The following RFWD3 variants were observed in gnomAD, a reference collection of about 807,000 sequenced individuals.
RFWD3 encodes E3 ubiquitin-protein ligase RFWD3.
In RFWD3, 65 loss-of-function variants were observed where a neutral mutation model predicts 87.7. That is an observed-to-expected ratio of 0.74 (90% CI 0.61 to 0.91). RFWD3 has a LOEUF of 0.91. RFWD3 is among the 40% of genes least tolerant of loss of function. The pLI, the probability that RFWD3 is intolerant of heterozygous loss-of-function variation, is 0.00. For synonymous variants in RFWD3, 433 were observed against 352.8 expected, an observed-to-expected ratio of 1.23 and a Z score of -2.55; for missense variants, 1,078 against 938.5, an observed-to-expected ratio of 1.15 and a Z score of -1.94.
chr16:74,648,716 G>A (rs1960350326), intron 4 of RFWD3, among the ~76,000 whole-genome samples: 1 of 151,634 alleles, frequency 6.6e-6, no homozygotes, highest in African/African-American at 2.4e-5. Context: ...AGGTTATTGT[G>A]GTGAGCTGAG....
intron 2 of RFWD3, among the ~76,000 whole-genome samples, chr16:74,656,308 C>CAACA (rs1960977843): frequency 1.6e-5 from 1 of 64,220 alleles, no homozygotes; most frequent in Non-Finnish European, 2.7e-5. Context: ...CTTGTCTTGC[C>CAACA]AAAAAAAAAA....
intron 3 of RFWD3, among the ~76,000 whole-genome samples, chr16:74,650,956 G>A (rs1028664784): frequency 3.3e-5 from 5 of 151,154 alleles, no homozygotes; most frequent in Non-Finnish European, 7.4e-5. Flanking sequence ...AGTTTATACA[G>A]GAAGGCAAAA....
rs765904014 is a variant in RFWD3 at position 74,644,746 on chromosome 16, A to C, written c.793-11T>G. The stretch of plus-strand genomic sequence containing the variant: ...CTTCTGGGGAGATGGCTAGATGGAA[A>C]GCAGAATATATTCAAATTAGAGAAA... On this transcript the variant is annotated splice_polypyrimidine_tract_variant and intron_variant, in intron 4 of 12. Transcript: ENST00000361070. The C allele has an allele frequency of 6.3e-7, 1 of 1,596,876 alleles. No individual in the cohort carries two copies. Among genetic ancestry groups the C allele is most frequent in the South Asian group, 1.1e-5 (1 of 90,238 alleles).
At chr16:74,627,104 G>T (rs1958961720) in intron 11 of RFWD3, among the ~76,000 whole-genome samples, 1 of 152,140 alleles carries the variant, frequency 6.6e-6, no homozygotes, top group Admixed American at 6.5e-5. Flanking sequence ...CCGAGCTGTG[G>T]GATGATGAAG....
In RFWD3 at chr16:74,666,804, G is replaced by C. The variant is rs1395499467; in HGVS notation, c.-21C>G. The C allele has an allele frequency of 1.3e-5, 2 of 152,408 alleles. No individual in the cohort carries two copies. Among genetic ancestry groups the C allele is most frequent in the African/African-American group, 4.8e-5 (2 of 41,470 alleles). The allele number at this position is 152,408 out of a possible 1,614,324, so 9.4% of individuals were successfully genotyped here. ...TCCTCACCTGAAACCAGCAGGCCGCGGCCGGGCTCGCGAGCCCGCCGAAGA... is the reference window on the plus strand; with the variant it reads ...TCCTCACCTGAAACCAGCAGGCCGCCGCCGGGCTCGCGAGCCCGCCGAAGA... On this transcript the variant is annotated 5_prime_UTR_variant, in exon 1 of 13. Transcript: ENST00000361070.
At chr16:74,651,299 T>C (rs1258398544) in intron 3 of RFWD3, among the ~76,000 whole-genome samples, 1 of 152,178 alleles carries the variant, frequency 6.6e-6, no homozygotes, top group African/African-American at 2.4e-5. Context: ...GACAGGGTGC[T>C]GAATTTACAA....
Position 74,661,355 on chromosome 16 carries a change from C to G in RFWD3, c.95G>C (p.Gly32Ala), listed in dbSNP as rs533062966. The G allele has an allele frequency of 6.2e-7, 1 of 1,613,894 alleles. No individual in the cohort carries two copies. ...AGGAACAGGCTGGAGGAGGGCTGGT[C>G]CCCCTTGGCTGCTGGCCATGCCAGC... ...APAGMASSQGGPALLQPVPAD... is the reference protein window; with the variant it reads ...APAGMASSQGAPALLQPVPAD... Residue 32 changes from glycine (G) to alanine (A), a missense_variant, in exon 2 of 13, where the codon GGA becomes GCA. Physicochemically the swap from Gly to Ala is moderately conservative, Grantham distance 60. Transcript: ENST00000361070.
At chr16:74,656,426 T>G (rs1439535065) in intron 2 of RFWD3, among the ~76,000 whole-genome samples, 2 of 151,920 alleles carry the variant, frequency 1.3e-5, no homozygotes, top group Admixed American at 6.6e-5. Flanking sequence ...TAGCTGCCAG[T>G]GATTCCTCTA....
At chr16:74,644,516 A>AT in intron 5 of RFWD3, 25 bp downstream of exon 5, 1 of 1,614,164 alleles carries the variant, frequency 6.2e-7, no homozygotes, top group Non-Finnish European at 8.5e-7. Context: ...TAACATGTTA[A>AT]TGTGTCCTTA....
intron 2 of RFWD3, among the ~76,000 whole-genome samples, chr16:74,657,982 A>T (rs917673157): frequency 2.7e-4 from 41 of 152,110 alleles, no homozygotes; most frequent in Non-Finnish European, 4.7e-4. Context: ...ATAGACGATT[A>T]AAAAAAATCA....
chr16:74,644,757 T>C (rs764904256), intron 4 of RFWD3, 22 bp from the exon 5 acceptor site: 2 of 1,575,768 alleles, frequency 1.3e-6, no homozygotes, highest in Non-Finnish European at 1.7e-6. Flanking sequence ...GCAGAATATA[T>C]TCAAATTAGA....
intron 12 of RFWD3, among the ~76,000 whole-genome samples, chr16:74,625,940 C>T (rs1197371361): frequency 6.6e-6 from 1 of 152,224 alleles, no homozygotes; most frequent in African/African-American, 2.4e-5. Flanking sequence ...AATCCCAGCA[C>T]TTTGGGAGGC....
At chr16:74,634,342 C>T (rs968571572) in intron 8 of RFWD3, among the ~76,000 whole-genome samples, 38 of 151,550 alleles carry the variant, frequency 2.5e-4, no homozygotes, top group African/African-American at 9.0e-4. Flanking sequence ...TGTTCTCTTA[C>T]TAGGCTATGA....
chr16:74,642,141 G>C (rs966727087), intron 6 of RFWD3, among the ~76,000 whole-genome samples: 10 of 151,946 alleles, frequency 6.6e-5, no homozygotes, highest in African/African-American at 2.4e-4. Flanking sequence ...TTTTAAATTT[G>C]ACACAGAGTC....
chr16:74,644,530 A>C lies in RFWD3; in HGVS notation c.987+11T>G, dbSNP rs1033531878. The C allele has an allele frequency of 6.8e-6, 11 of 1,613,966 alleles. No homozygotes were observed. Among genetic ancestry groups the C allele is most frequent in the Non-Finnish European group, 9.3e-6 (11 of 1,179,974 alleles). On this transcript the variant is annotated intron_variant, in intron 5 of 12. Coordinates refer to ENST00000361070, the MANE Select transcript of RFWD3 (RefSeq NM_018124.4). ...TTAACATGTTAATGTGTCCTTACCT[A>C]TGGTCCTTACCTGGGGACATTTTCG... is the stretch of plus-strand genomic sequence containing the variant.
chr16:74,652,300 A>AT lies in RFWD3; in HGVS notation c.519-179dup, dbSNP rs1483696454. Among the ~76,000 whole-genome samples, 7 of 151,774 alleles carry AT rather than the reference A, an allele frequency of 4.6e-5. No individual in the cohort carries two copies. The Admixed American group carries it at 4.6e-4, about 10-fold the overall frequency. On this transcript the variant is annotated intron_variant, in intron 2 of 12. Coordinates refer to ENST00000361070, the MANE Select transcript of RFWD3 (RefSeq NM_018124.4). ...GGGGGAGACTGGCCTCCTAGATATT[A>AT]TTTTTTACCACTCAACCACTGCTAC... is the stretch of plus-strand genomic sequence containing the variant.
intron 3 of RFWD3, among the ~76,000 whole-genome samples, chr16:74,650,864 G>A (rs1188444714): frequency 2.7e-5 from 4 of 150,712 alleles, no homozygotes; most frequent in African/African-American, 7.3e-5. Context: ...GGGACAGAGT[G>A]TAACCCTGTC....
At chr16:74,642,899 CTT>C (rs1959783168) in intron 6 of RFWD3, among the ~76,000 whole-genome samples, 1 of 152,134 alleles carries the variant, frequency 6.6e-6, no homozygotes, top group South Asian at 2.1e-4. Flanking sequence ...TTTTGAAACT[CTT>C]CACTTTTTCT....
chr16:74,624,244 T>C (rs900144248), intron 12 of RFWD3, among the ~76,000 whole-genome samples, 173 bp from the exon 13 acceptor site: 1 of 152,204 alleles, frequency 6.6e-6, no homozygotes, highest in Admixed American at 6.5e-5. Flanking sequence ...CTGACATAGT[T>C]CAGGTACAGC....
Sources: allele counts gnomAD v4.1 joint callset (sites outside exome capture counted in the v4.1 genomes callset), GRCh38; gene constraint gnomAD v4.1.1; transcripts MANE v1.5; gene names NCBI Gene and HGNC (gene_info 2026-07-23, HGNC 2026-07-21).